The following GALNT12 variants were observed in gnomAD, a reference collection of about 807,000 sequenced individuals.
GALNT12 encodes the protein polypeptide N-acetylgalactosaminyltransferase 12, also known as UDP-GalNAc:polypeptide N-acetylgalactosaminyltransferase 12.
Under a neutral mutation model 55.5 loss-of-function variants are expected in GALNT12, and 45 were observed. That is an observed-to-expected ratio of 0.81 (90% CI 0.64 to 1.04). The LOEUF (loss-of-function observed/expected upper bound fraction) is 1.04, where lower values mean the gene tolerates loss of function less well. Among genes scored for constraint, GALNT12 ranks in the 50% least tolerant of loss-of-function variants. The pLI, the probability that GALNT12 is intolerant of heterozygous loss-of-function variation, is 0.00. For synonymous variants in GALNT12, 304 were observed against 312.2 expected, an observed-to-expected ratio of 0.97 and a Z score of 0.28; for missense variants, 709 against 754.8, an observed-to-expected ratio of 0.94 and a Z score of 0.71.
At chr9:98,818,615 T>G (rs1445611112) in intron 1 of GALNT12, among the ~76,000 whole-genome samples, 1 of 152,118 alleles carries the variant, frequency 6.6e-6, no homozygotes, top group African/African-American at 2.4e-5. Context: ...GCCATTGCTG[T>G]GCCTCTTTAG....
At chr9:98,827,760 G>A (rs1421985915) in intron 3 of GALNT12, among the ~76,000 whole-genome samples, 2 of 152,166 alleles carry the variant, frequency 1.3e-5, no homozygotes, top group Non-Finnish European at 2.9e-5. Context: ...AGCATGGATT[G>A]TATTTGTCTT....
At chr9:98,835,472 G>C in intron 5 of GALNT12, 106 bp downstream of exon 5, 5 of 797,068 alleles carry the variant, frequency 6.3e-6, no homozygotes, top group South Asian at 5.4e-5. Context: ...ATGATGACAC[G>C]CATATCCTAT....
chr9:98,820,990 A>C (rs1835722785), intron 1 of GALNT12, among the ~76,000 whole-genome samples: 1 of 152,188 alleles, frequency 6.6e-6, no homozygotes, highest in Non-Finnish European at 1.5e-5. Context: ...TTTGGATGCT[A>C]CAGTATGCTG....
chr9:98,847,763 C>G (rs1008612905), intron 9 of GALNT12, among the ~76,000 whole-genome samples: 5 of 150,490 alleles, frequency 3.3e-5, no homozygotes, highest in African/African-American at 1.2e-4. Context: ...AATGTCCCCA[C>G]TTATATTCAC....
intron 8 of GALNT12, 74 bp downstream of exon 8, chr9:98,844,283 G>A: frequency 4.0e-6 from 4 of 994,818 alleles, no homozygotes; most frequent in Non-Finnish European, 6.3e-6. Flanking sequence ...TTTTTTTCTT[G>A]TAAAAGTAAT....
At position 98,846,052 on chromosome 9, in the gene GALNT12, G is replaced by A; in HGVS notation, c.1534G>A (p.Gly512Arg). 1 of 1,614,198 alleles carries A rather than the reference G, an allele frequency of 6.2e-7. No individual in the cohort carries two copies. The highest frequency in any genetic ancestry group is 1.3e-5 in the African/African-American group (1 of 75,056). Residue 512 changes from glycine (G) to arginine (R), a missense_variant, in exon 9 of 10, where the codon GGA becomes AGA. This residue lies in a region of GALNT12 where 262 missense variants were observed against 310.7 expected (regional missense o/e 0.84). Transcript: ENST00000375011. ...QPEGCIAVEA[G>R]MDTLIMHLCE... ...TGAGGGCTGCATTGCTGTGGAAGCAGGAATGGATACCCTTATCATGCATCT... is the reference window on the plus strand; with the variant it reads ...TGAGGGCTGCATTGCTGTGGAAGCAAGAATGGATACCCTTATCATGCATCT...
chr9:98,839,647 C>T (rs956333997), intron 6 of GALNT12, among the ~76,000 whole-genome samples: 1 of 152,198 alleles, frequency 6.6e-6, no homozygotes, highest in East Asian at 1.9e-4. Context: ...AGGATGACTT[C>T]TGATCACAAG....
At chr9:98,820,571 A>G (rs1223881914) in intron 1 of GALNT12, among the ~76,000 whole-genome samples, 2 of 152,198 alleles carry the variant, frequency 1.3e-5, no homozygotes, top group Non-Finnish European at 2.9e-5. Flanking sequence ...GCGTGCATGT[A>G]TCTTTATAAT....
At position 98,844,191 on chromosome 9, in the gene GALNT12, T is replaced by C. The variant is rs772369577; in HGVS notation, c.1440T>C (p.His480=). The change falls in exon 8 of 10, where the codon CAT becomes CAC. Residue 480 remains histidine, a synonymous_variant. Coordinates refer to ENST00000375011, the MANE Select transcript of GALNT12 (RefSeq NM_024642.5). ...ACCAGGTCATTCTGTACCTCTGTCA[T>C]GGGATGGGCCAGAATCAGGTAGGTA... The part of the protein sequence containing the change: ...VGHQVILYLC[H]GMGQNQFFEY... 1.2e-6 allele frequency: 2 copies of C among 1,610,702 alleles called. No homozygotes were observed. The highest frequency in any genetic ancestry group is 8.5e-7 in the Non-Finnish European group (1 of 1,176,852).
At chr9:98,838,586 A>G (rs1034770217) in intron 6 of GALNT12, among the ~76,000 whole-genome samples, 1 of 152,182 alleles carries the variant, frequency 6.6e-6, no homozygotes, top group African/African-American at 2.4e-5. Context: ...CTCCGGGACC[A>G]TTGTGGATGA....
chr9:98,841,664 G>T (rs1325386216), intron 7 of GALNT12, among the ~76,000 whole-genome samples: 1 of 151,626 alleles, frequency 6.6e-6, no homozygotes, highest in Non-Finnish European at 1.5e-5. Context: ...GAAAAGGCAC[G>T]ACAAATTCTT....
intron 7 of GALNT12, 132 bp downstream of exon 7, chr9:98,840,265 C>G (rs1382251480): frequency 9.8e-7 from 1 of 1,024,534 alleles, no homozygotes; most frequent in African/African-American, 1.6e-5. Context: ...CCTGCCCACC[C>G]CCCACCACCT....
chr9:98,843,093 C>T (rs968266241), intron 7 of GALNT12, among the ~76,000 whole-genome samples: 2 of 152,150 alleles, frequency 1.3e-5, no homozygotes, highest in African/African-American at 4.8e-5. Flanking sequence ...TTTTGAGAAA[C>T]AGATCATGAG....
At chr9:98,848,782 G>A (rs1836478232) in intron 9 of GALNT12, 170 bp from the exon 10 acceptor site, 2 of 755,796 alleles carry the variant, frequency 2.6e-6, no homozygotes, top group Admixed American at 4.3e-5. Flanking sequence ...GTACAAGCCT[G>A]GTGCTGTGTC....
At chr9:98,827,787 T>C (rs1055362058) in intron 3 of GALNT12, among the ~76,000 whole-genome samples, 18 of 152,188 alleles carry the variant, frequency 1.2e-4, no homozygotes, top group African/African-American at 4.3e-4. Flanking sequence ...AGTATAGTCA[T>C]AAAATATGCT....
chr9:98,809,883 C>T (rs1375470035), intron 1 of GALNT12, among the ~76,000 whole-genome samples: 1 of 152,188 alleles, frequency 6.6e-6, no homozygotes, highest in African/African-American at 2.4e-5. Context: ...CCTGTGTCCT[C>T]TCAGGATTTG....
At chr9:98,834,782 G>T (rs933574295) in intron 4 of GALNT12, among the ~76,000 whole-genome samples, 4 of 152,194 alleles carry the variant, frequency 2.6e-5, no homozygotes, top group African/African-American at 9.7e-5. Context: ...TTCTCGGAAC[G>T]TGGTCTCTTG....
chr9:98,826,728 C>G, intron 2 of GALNT12, 24 bp from the exon 3 acceptor site: 3 of 1,606,930 alleles, frequency 1.9e-6, no homozygotes, highest in Non-Finnish European at 2.5e-6. Context: ...ACGGTGACCC[C>G]TGTTGCTTTG....
In GALNT12 at chr9:98,807,920, G is replaced by T. The variant is rs1835413020; in HGVS notation, c.222G>T (p.Ala74=). 1.6e-6 allele frequency: 2 copies of T among 1,236,706 alleles called. No individual in the cohort carries two copies. The highest frequency in any genetic ancestry group is 3.4e-5 in the South Asian group (1 of 29,330). 76.6% of individuals were successfully genotyped at this position (1,236,706 alleles called of 1,614,324 possible). ...CGCGGCCGCCGGTGCCGGCGAACGC[G>T]CTGGGCGCGCGGGGCGAGGCGGTGC... is the stretch of plus-strand genomic sequence containing the variant. ...VMPRPPVPAN[A]LGARGEAVRL... The change falls in exon 1 of 10, where the codon GCG becomes GCT. Residue 74 remains alanine (A), a synonymous_variant. Transcript: ENST00000375011.
Sources: gnomAD v4.1 joint callset for allele counts (sites outside exome capture counted in the v4.1 genomes callset) on GRCh38, gnomAD v4.1.1 for gene constraint, gnomAD v4.1.1 regional missense constraint, MANE v1.5 for transcripts, NCBI Gene and HGNC (gene_info 2026-07-23, HGNC 2026-07-21) for gene names.